The following NRXN3 variants were observed in gnomAD, a reference collection of about 807,000 sequenced individuals.
NRXN3 encodes neurexin 3, also known as neurexin III.
A neutral mutation model predicts 137.6 loss-of-function variants in NRXN3; 32 were observed. That is an observed-to-expected ratio of 0.23 (90% CI 0.18 to 0.31). The LOEUF is 0.31. NRXN3 is among the 10% of genes least tolerant of loss of function. The probability of loss-of-function intolerance (pLI) is 1.00; values close to 1 mark genes in which losing one functional copy is unlikely to be tolerated. For synonymous variants in NRXN3, 798 were observed against 784.5 expected, an observed-to-expected ratio of 1.02 and a Z score of -0.29; for missense variants, 1,574 against 2,062.5, an observed-to-expected ratio of 0.76 and a Z score of 4.59.
chr14:78,475,723 G>A (rs938615511), intron 4 of NRXN3, among the ~76,000 whole-genome samples: 1 of 152,212 alleles, frequency 6.6e-6, no homozygotes, highest in East Asian at 1.9e-4. Context: ...CAGGGTGGCA[G>A]ACACAGAGCC....
chr14:79,847,825 G>A (rs1171282775), intron 20 of NRXN3, among the ~76,000 whole-genome samples: 1 of 151,716 alleles, frequency 6.6e-6, no homozygotes, highest in Admixed American at 6.6e-5. Flanking sequence ...CCAACGTGTT[G>A]ATACTGGTTA....
chr14:79,123,749 G>C (rs539024692), intron 15 of NRXN3, among the ~76,000 whole-genome samples: 1 of 152,198 alleles, frequency 6.6e-6, no homozygotes, highest in Non-Finnish European at 1.5e-5. Flanking sequence ...GTCAGGGAAA[G>C]CATTTCAGTG....
chr14:79,592,661 T>C lies in NRXN3; in HGVS notation c.3445-71117T>C, dbSNP rs532120903. On this transcript the variant is annotated intron_variant, in intron 16 of 20. Coordinates refer to ENST00000335750, the MANE Select transcript of NRXN3 (RefSeq NM_001330195.2). ...TGTATATTCTTTGTAGATCACTTACTAAAATGATTTTCTAAGACCTTCACT... is the reference window on the plus strand; with the variant it reads ...TGTATATTCTTTGTAGATCACTTACCAAAATGATTTTCTAAGACCTTCACT... Among the ~76,000 whole-genome samples the C allele has an allele frequency of 2.4e-4, 36 of 152,312 alleles. No homozygotes were observed. The South Asian group carries it at 7.5e-3, about 32-fold the overall frequency.
rs118178129 is a variant in NRXN3 at position 78,914,462 on chromosome 14, T to A, written c.2276-42780T>A. 2.4e-3 allele frequency among the ~76,000 whole-genome samples: 362 copies of A among 152,122 alleles called. 2 individuals are homozygous for A. Among genetic ancestry groups the A allele is most frequent in the Non-Finnish European group, 4.6e-3 (310 of 67,988 alleles). ...AGAAAAAGGATAGGGTATGTCAGGGTGAGGAGGACCAAGGTTTACTACTTT... is the reference window on the plus strand; with the variant it reads ...AGAAAAAGGATAGGGTATGTCAGGGAGAGGAGGACCAAGGTTTACTACTTT... On this transcript the variant is annotated intron_variant, in intron 10 of 20. Transcript: ENST00000335750.
intron 8 of NRXN3, among the ~76,000 whole-genome samples, chr14:78,785,378 C>A (rs530440365): frequency 6.6e-6 from 1 of 152,270 alleles, no homozygotes; most frequent in African/African-American, 2.4e-5. Context: ...CCTCTACTTT[C>A]TATCTTCTGC....
chr14:79,825,529 C>G (rs1173801828), intron 20 of NRXN3, among the ~76,000 whole-genome samples: 1 of 152,192 alleles, frequency 6.6e-6, no homozygotes, highest in Non-Finnish European at 1.5e-5. Flanking sequence ...TCCTCAACCC[C>G]AGCATGGAGC....
At chr14:78,494,066 A>G (rs550241878) in intron 4 of NRXN3, among the ~76,000 whole-genome samples, 1 of 152,308 alleles carries the variant, frequency 6.6e-6, no homozygotes, top group South Asian at 2.1e-4. Context: ...AGCCATTTTA[A>G]AGAGACTGCT....
chr14:78,278,587 TTTTTCTCCCC>T (rs2073950049), intron 2 of NRXN3, 48 bp from the exon 3 acceptor site: 1 of 1,380,434 alleles, frequency 7.2e-7, no homozygotes, highest in Non-Finnish European at 9.9e-7. Flanking sequence ...CTCTTCTTCC[TTTTTCTCCCC>T]TTTTCTCTCC....
At chr14:78,560,571 G>T (rs1421231100) in intron 4 of NRXN3, among the ~76,000 whole-genome samples, 1 of 152,214 alleles carries the variant, frequency 6.6e-6, no homozygotes, top group African/African-American at 2.4e-5. Flanking sequence ...CTCGCTAGCT[G>T]CAGGCCTCTG....
At chr14:78,294,788 C>T (rs1296929339) in intron 3 of NRXN3, among the ~76,000 whole-genome samples, 1 of 152,142 alleles carries the variant, frequency 6.6e-6, no homozygotes, top group Non-Finnish European at 1.5e-5. Context: ...CCATGCATCA[C>T]TGTCAGGTAT....
intron 11 of NRXN3, among the ~76,000 whole-genome samples, chr14:78,965,735 G>T (rs184624980): frequency 6.6e-6 from 1 of 152,218 alleles, no homozygotes; most frequent in East Asian, 1.9e-4. Flanking sequence ...TGATTCTCCT[G>T]AATGGAGAAT....
intron 17 of NRXN3, among the ~76,000 whole-genome samples, chr14:79,686,759 C>G (rs769888136): frequency 6.6e-6 from 1 of 152,142 alleles, no homozygotes; most frequent in Non-Finnish European, 1.5e-5. Flanking sequence ...TTAAACAGAT[C>G]AACTAGCACA....
chr14:78,960,686 G>T (rs1195824007), intron 11 of NRXN3, among the ~76,000 whole-genome samples: 1 of 152,164 alleles, frequency 6.6e-6, no homozygotes, highest in Non-Finnish European at 1.5e-5. Flanking sequence ...GCCTAATGCT[G>T]CATGAACTGC....
intron 8 of NRXN3, among the ~76,000 whole-genome samples, chr14:78,732,153 A>G (rs2098519025): frequency 6.6e-6 from 1 of 152,188 alleles, no homozygotes; most frequent in African/African-American, 2.4e-5. Flanking sequence ...AAGAAGGAGC[A>G]TGCAAGTACT....
intron 4 of NRXN3, among the ~76,000 whole-genome samples, chr14:78,485,629 A>G (rs1165502198): frequency 4.6e-5 from 7 of 152,246 alleles, no homozygotes; most frequent in African/African-American, 1.4e-4. Context: ...TGAAATTTTC[A>G]CTGAAGACAA....
chr14:79,525,697 T>C (rs1188328123), intron 16 of NRXN3, among the ~76,000 whole-genome samples: 2 of 152,222 alleles, frequency 1.3e-5, no homozygotes, highest in Middle Eastern at 3.2e-3. Context: ...TGTGAAGTAG[T>C]GTTGACTGCT....
intron 4 of NRXN3, among the ~76,000 whole-genome samples, chr14:78,637,041 T>G (rs1352140513): frequency 6.6e-6 from 1 of 152,132 alleles, no homozygotes; most frequent in African/African-American, 2.4e-5. Context: ...CCTCTTCACC[T>G]CTCTAGCCAT....
chr14:79,134,556 T>C (rs1238942001), intron 15 of NRXN3, among the ~76,000 whole-genome samples: 1 of 152,228 alleles, frequency 6.6e-6, no homozygotes, highest in Admixed American at 6.5e-5. Context: ...TGTTACATAA[T>C]GCTATGCTTC....
chr14:78,957,125 G>C, intron 10 of NRXN3, 117 bp from the exon 11 acceptor site: 1 of 1,094,332 alleles, frequency 9.1e-7, no homozygotes, highest in Non-Finnish European at 1.3e-6. Flanking sequence ...ACTTTGGGTG[G>C]AATATAATTC....
Sources: allele counts gnomAD v4.1 joint callset (sites outside exome capture counted in the v4.1 genomes callset), GRCh38; gene constraint gnomAD v4.1.1; transcripts MANE v1.5; gene names NCBI Gene and HGNC (gene_info 2026-07-23, HGNC 2026-07-21).